Variants in ZNF33B observed in about 807,000 individuals in gnomAD.
The protein encoded by ZNF33B is zinc finger protein 11b (KOX 2).
Under a neutral mutation model 45.8 loss-of-function variants are expected in ZNF33B, and 29 were observed. That is an observed-to-expected ratio of 0.63 (90% CI 0.47 to 0.86). ZNF33B has a LOEUF of 0.86. Among genes scored for constraint, ZNF33B ranks in the 40% least tolerant of loss-of-function variants. ZNF33B has a pLI of 0.00. For synonymous variants in ZNF33B, 305 were observed against 307.8 expected, an observed-to-expected ratio of 0.99 and a Z score of 0.10; for missense variants, 831 against 909.9, an observed-to-expected ratio of 0.91 and a Z score of 1.12.
chr10:42,575,736 A>AT (rs796452502), intron 1 of ZNF33B, among the ~76,000 whole-genome samples: 1,440 of 143,452 alleles, frequency 0.01, 15 homozygotes, highest in African/African-American at 0.032. Context: ...ATACATATAT[A>AT]TTTTTTTTTT....
chr10:42,613,346 G>T (rs116727955), intron 4 of ZNF33B, among the ~76,000 whole-genome samples: 2,582 of 152,068 alleles, frequency 0.017, 77 homozygotes, highest in African/African-American at 0.059. Flanking sequence ...TCAGGAGTTC[G>T]TGACCAGCCT....
intron 4 of ZNF33B, 29 bp from the exon 5 acceptor site, chr10:42,594,728 T>C (rs1184006104): frequency 2.0e-6 from 3 of 1,522,108 alleles, no homozygotes; most frequent in Non-Finnish European, 2.6e-6. Context: ...AATCTTACCA[T>C]ATAAATACCA....
chr10:42,589,106 G>T, downstream of ZNF33B: 1 of 372,314 alleles, frequency 2.7e-6, no homozygotes, highest in Non-Finnish European at 3.7e-6. Context: ...ATGTTCCTCA[G>T]GGTTGGTTGG....
intron 4 of ZNF33B, among the ~76,000 whole-genome samples, chr10:42,624,483 C>T (rs142007510): frequency 3.9e-5 from 6 of 152,302 alleles, no homozygotes; most frequent in African/African-American, 1.2e-4. Flanking sequence ...CAGTGGAAGC[C>T]TGAAGCCTCA....
chr10:42,623,292 C>T (rs906023320), intron 4 of ZNF33B, among the ~76,000 whole-genome samples: 2 of 152,138 alleles, frequency 1.3e-5, no homozygotes, highest in Admixed American at 6.5e-5. Context: ...TATATATACA[C>T]ATTAAAAATA....
rs980819988 is a variant in ZNF33B, at chr10:42,583,494, T to C, written c.74-8816A>G. 9 of 252,804 alleles carry C rather than the reference T, an allele frequency of 3.6e-5. No individual in the cohort carries two copies. The Admixed American group carries it at 3.8e-4, about 11-fold the overall frequency. The allele number at this position is 252,804 out of a possible 1,614,324, so 15.7% of individuals were successfully genotyped here. On this transcript the variant is annotated intron_variant, in intron 1 of 1. Coordinates refer to the ZNF33B transcript ENST00000462075. ...ATCTTCAAAGAAGTTGAGAGTTCTT[T>C]GTTATGAGGGTGCTGTCATGTGTCT...
At chr10:42,606,334 G>A (rs1038904697) in intron 4 of ZNF33B, among the ~76,000 whole-genome samples, 4 of 151,496 alleles carry the variant, frequency 2.6e-5, no homozygotes, top group African/African-American at 4.9e-5. Context: ...GTGTGGTGGC[G>A]CATGCCTGTA....
At chr10:42,609,487 T>G (rs1476182442) in intron 4 of ZNF33B, among the ~76,000 whole-genome samples, 1 of 152,054 alleles carries the variant, frequency 6.6e-6, no homozygotes, top group Admixed American at 6.6e-5. Flanking sequence ...GTCCATATGG[T>G]TCACTGGAGA....
chr10:42,601,472 T>A lies in ZNF33B; in HGVS notation c.251-6773A>T, dbSNP rs12772592. ...TCCTAAAGCTCACATGGGCTTGTTT[T>A]TTTTTTTTTTTTTTTTTTTTTGAGA... On this transcript the variant is annotated intron_variant, in intron 4 of 4. Transcript: ENST00000359467. Among the ~76,000 whole-genome samples the A allele has an allele frequency of 3.3e-4, 44 of 135,068 alleles. 1 individual carries two copies. Among genetic ancestry groups the A allele is most frequent in the Middle Eastern group, 3.6e-3 (1 of 274 alleles). 88.6% of individuals were successfully genotyped at this position (135,068 alleles called of 152,430 possible). A position where few individuals can be genotyped will look rare whatever the true frequency, so the allele number is the denominator to read the frequency against.
At chr10:42,574,468 A>G (rs1192520219) in exon 2 of ZNF33B, 1 of 152,156 alleles carries the variant, frequency 6.6e-6, no homozygotes, top group Non-Finnish European at 1.5e-5. Flanking sequence ...TGATGGGCCA[A>G]AAGAAAGTGA....
chr10:42,587,371 A>G (rs1303464695), downstream of ZNF33B, among the ~76,000 whole-genome samples: 1 of 151,964 alleles, frequency 6.6e-6, no homozygotes, highest in Non-Finnish European at 1.5e-5. Flanking sequence ...TAATTTTTGT[A>G]TTTTTAGTAG....
rs372916523 is a variant in ZNF33B at position 42,580,555 on chromosome 10, T to A, written c.74-5877A>T. Among the ~76,000 whole-genome samples the A allele has an allele frequency of 1.9e-4, 29 of 152,134 alleles. 1 individual carries two copies. Among genetic ancestry groups the A allele is most frequent in the African/African-American group, 6.7e-4 (28 of 41,530 alleles). On this transcript the variant is annotated intron_variant, in intron 1 of 1. Coordinates refer to the ZNF33B transcript ENST00000462075. ...GCCTCGCCTCTACTAAGTGTTTTTATGTGGGCTTTACACACTGGAGAGTTT... is the reference window on the plus strand; with the variant it reads ...GCCTCGCCTCTACTAAGTGTTTTTAAGTGGGCTTTACACACTGGAGAGTTT...
In ZNF33B at chr10:42,594,563, G is replaced by A. The variant is rs777846596; in HGVS notation, c.387C>T (p.Asp129=). The change falls in exon 5 of 5, where the codon GAC becomes GAT. Residue 129 remains aspartate, a synonymous_variant. Transcript: ENST00000359467. The part of the protein sequence containing the change: ...GNVIGIPFNM[D]VSSFPSRKMF... The stretch of plus-strand genomic sequence containing the variant: ...TTTTTCTGGAAGGAAAAGAACTTAC[G>A]TCCATGTTAAATGGTATTCCTATTA... The A allele has an allele frequency of 1.5e-5, 25 of 1,613,412 alleles. No homozygotes were observed. Among genetic ancestry groups the A allele is most frequent in the East Asian group, 1.3e-4 (6 of 44,832 alleles).
intron 4 of ZNF33B, among the ~76,000 whole-genome samples, chr10:42,620,088 T>C (rs1027687404): frequency 1.3e-5 from 2 of 151,792 alleles, no homozygotes; most frequent in Non-Finnish European, 2.9e-5. Context: ...TGGTGGCACG[T>C]GCCTGTAGTC....
In ZNF33B at chr10:42,592,219, T is replaced by C. The variant is rs1473070322; in HGVS notation, c.*394A>G. ...TTGTTAGATACCTTAAAAACTATTA[T>C]GGCATCAAACTCAAAACAGAACTTG... On this transcript the variant is annotated 3_prime_UTR_variant, in exon 5 of 5. Coordinates refer to ENST00000359467, the MANE Select transcript of ZNF33B (RefSeq NM_006955.3). 5 of 318,446 alleles carry C rather than the reference T, an allele frequency of 1.6e-5. No homozygotes were observed. Among genetic ancestry groups the C allele is most frequent in the East Asian group, 1.2e-4 (1 of 8,246 alleles). The allele number at this position is 318,446 out of a possible 1,614,324, so 19.7% of individuals were successfully genotyped here. A position where few individuals can be genotyped will look rare whatever the true frequency, so the allele number is the denominator to read the frequency against.
Position 42,589,564 on chromosome 10 carries a change from T to C in ZNF33B, c.*3049A>G, listed in dbSNP as rs1248161060. 6.6e-6 allele frequency: 1 copy of C among 152,230 alleles called. No individual in the cohort carries two copies. The highest frequency in any genetic ancestry group is 1.5e-5 in the Non-Finnish European group (1 of 68,042). 9.4% of individuals were successfully genotyped at this position (152,230 alleles called of 1,614,324 possible). Reference sequence around the variant, plus strand: ...TACAACATAGAAAGCCTTTTCAGATTGGTTTTCACTTAACAATAAGCATTT... The same window carrying C: ...TACAACATAGAAAGCCTTTTCAGATCGGTTTTCACTTAACAATAAGCATTT... On this transcript the variant is annotated 3_prime_UTR_variant, in exon 5 of 5. Coordinates refer to ENST00000359467, the MANE Select transcript of ZNF33B (RefSeq NM_006955.3).
At chr10:42,578,813 A>C (rs1310240943) in intron 1 of ZNF33B, 2 of 152,232 alleles carry the variant, frequency 1.3e-5, no homozygotes, top group Non-Finnish European at 2.9e-5. Flanking sequence ...TGTGGGACAA[A>C]AACTGTTTTC....
intron 1 of ZNF33B, among the ~76,000 whole-genome samples, chr10:42,579,126 C>T (rs1041935634): frequency 1.3e-5 from 2 of 152,140 alleles, no homozygotes; most frequent in African/African-American, 4.8e-5. Flanking sequence ...TACATGCCAC[C>T]CTCCTACCAC....
chr10:42,576,795 A>G (rs1479658341), intron 1 of ZNF33B, among the ~76,000 whole-genome samples: 1 of 152,206 alleles, frequency 6.6e-6, no homozygotes. Context: ...GAAACCAAAG[A>G]GTAATCTCTT....
Sources: allele counts gnomAD v4.1 joint callset (sites outside exome capture counted in the v4.1 genomes callset), GRCh38; gene constraint gnomAD v4.1.1; transcripts MANE v1.5; gene names NCBI Gene and HGNC (gene_info 2026-07-23, HGNC 2026-07-21).